SETD3: variants seen among roughly 807,000 people sequenced by gnomAD.
SETD3 encodes actin-histidine N-methyltransferase.
SETD3 carries 19 observed loss-of-function variants against 63.0 expected under a neutral mutation model. The observed-to-expected ratio is 0.30, with a 90% CI of 0.21 to 0.44. The LOEUF is 0.44. Among genes scored for constraint, SETD3 ranks in the 20% least tolerant of loss-of-function variants. SETD3 has a pLI of 1.00. For missense variants in SETD3, 587 were observed against 728.5 expected (o/e 0.81, Z 2.24); for synonymous variants, 286 against 264.1 (o/e 1.08, Z -0.80).
chr14:99,438,928 T>G (rs1893637514), intron 6 of SETD3, among the ~76,000 whole-genome samples: 1 of 152,238 alleles, frequency 6.6e-6, no homozygotes, highest in African/African-American at 2.4e-5. Flanking sequence ...TTCAGGTTAA[T>G]TACATCAGAA....
At chr14:99,418,423 G>A (rs1361090459) in intron 6 of SETD3, among the ~76,000 whole-genome samples, 1 of 152,058 alleles carries the variant, frequency 6.6e-6, no homozygotes, top group Non-Finnish European at 1.5e-5. Flanking sequence ...CTCACGTGAT[G>A]GTTTCATTTT....
At chr14:99,423,871 C>T (rs1892731548) in intron 6 of SETD3, among the ~76,000 whole-genome samples, 2 of 152,008 alleles carry the variant, frequency 1.3e-5, no homozygotes, top group South Asian at 4.1e-4. Flanking sequence ...AGTCTGATTA[C>T]TTCCTTTTTC....
chr14:99,476,171 T>A (rs1441110434), intron 1 of SETD3, among the ~76,000 whole-genome samples: 1 of 152,176 alleles, frequency 6.6e-6, no homozygotes, highest in Non-Finnish European at 1.5e-5. Context: ...GGAGACTGAT[T>A]AATTTATGCA....
chr14:99,400,579 C>A (rs907820570), intron 11 of SETD3, among the ~76,000 whole-genome samples: 1 of 152,148 alleles, frequency 6.6e-6, no homozygotes. Context: ...AATCTACAGC[C>A]ATGTACCCCC....
Position 99,405,185 on chromosome 14 carries a change from A to G in SETD3, c.1091+20T>C. 1.9e-6 allele frequency: 3 copies of G among 1,604,888 alleles called. No individual in the cohort carries two copies. The highest frequency in any genetic ancestry group is 2.5e-6 in the Non-Finnish European group (3 of 1,176,766). On this transcript the variant is annotated intron_variant, in intron 10 of 12. Coordinates refer to ENST00000331768, the MANE Select transcript of SETD3 (RefSeq NM_032233.3). ...GTTCAAGTACTGCAAGAAAGGGCCAACCGATGTTTTTCTACGTACGTGGGG... is the reference window on the plus strand; with the variant it reads ...GTTCAAGTACTGCAAGAAAGGGCCAGCCGATGTTTTTCTACGTACGTGGGG...
chr14:99,404,170 T>G (rs1173330481), intron 11 of SETD3, 55 bp downstream of exon 11: 1 of 1,455,594 alleles, frequency 6.9e-7, no homozygotes, highest in Non-Finnish European at 9.6e-7. Flanking sequence ...TGCTTTACAC[T>G]TTCATGATTT....
chr14:99,475,827 T>A (rs776956284), intron 1 of SETD3, among the ~76,000 whole-genome samples: 19 of 152,212 alleles, frequency 1.2e-4, no homozygotes, highest in Admixed American at 5.9e-4. Context: ...CCTGAGAATC[T>A]AATCTCAAAC....
chr14:99,423,954 ACT>A (rs766096183), intron 6 of SETD3, among the ~76,000 whole-genome samples: 111 of 149,384 alleles, frequency 7.4e-4, no homozygotes, highest in South Asian at 3.6e-3. Context: ...AATGGATTTC[ACT>A]CTCTTTTTTT....
chr14:99,418,854 A>C (rs1226280147), intron 6 of SETD3, among the ~76,000 whole-genome samples: 1 of 152,220 alleles, frequency 6.6e-6, no homozygotes, highest in Non-Finnish European at 1.5e-5. Flanking sequence ...GGAAAGATGG[A>C]AAAGATGGCA....
intron 8 of SETD3, chr14:99,411,637 GA>G (rs1891998151): frequency 6.6e-6 from 1 of 152,010 alleles, no homozygotes; most frequent in African/African-American, 2.4e-5. Flanking sequence ...TTCAAAAAAA[GA>G]AGAAGAAAAA....
At position 99,398,500 on chromosome 14, in the gene SETD3, T is replaced by A. The variant is rs1891202975; in HGVS notation, c.*179A>T. 1.6e-6 allele frequency: 1 copy of A among 626,186 alleles called. No individual in the cohort carries two copies. The highest frequency in any genetic ancestry group is 2.3e-5 in the South Asian group (1 of 43,416). The allele number at this position is 626,186 out of a possible 1,614,324, so 38.8% of individuals were successfully genotyped here. ...TTGCCTAAAAGCAAGATGGCAATCT[T>A]AATCAAAAAGGGAAGCTAGATTTTT... On this transcript the variant is annotated 3_prime_UTR_variant, in exon 13 of 13. Transcript: ENST00000331768.
At chr14:99,481,662 T>A (rs771019647), upstream of SETD3, 1 of 388,286 alleles carries the variant, frequency 2.6e-6, no homozygotes, top group Non-Finnish European at 4.5e-6. Context: ...GGCGGGCGTG[T>A]AGAGAGGGTC....
Position 99,398,445 on chromosome 14 carries a change from T to G in SETD3, c.*234A>C. 1.9e-6 allele frequency: 1 copy of G among 513,590 alleles called. No individual in the cohort carries two copies. 31.8% of individuals were successfully genotyped at this position (513,590 alleles called of 1,614,324 possible). A position where few individuals can be genotyped will look rare whatever the true frequency, so the allele number is the denominator to read the frequency against. On this transcript the variant is annotated 3_prime_UTR_variant, in exon 13 of 13. Coordinates refer to ENST00000331768, the MANE Select transcript of SETD3 (RefSeq NM_032233.3). Reference sequence around the variant, plus strand: ...TCTCCCACAGGCACCTCTTCTCCCTTTCTTGTGGTTGTTTGTTAATTGGTT... The same window carrying G: ...TCTCCCACAGGCACCTCTTCTCCCTGTCTTGTGGTTGTTTGTTAATTGGTT...
chr14:99,485,810 C>T (rs1896470700), upstream of SETD3, among the ~76,000 whole-genome samples: 1 of 151,986 alleles, frequency 6.6e-6, no homozygotes, highest in Non-Finnish European at 1.5e-5. Context: ...GCAGTGAGCA[C>T]CACTGCATTC....
chr14:99,435,249 A>G (rs1893414336), intron 6 of SETD3, among the ~76,000 whole-genome samples: 1 of 152,160 alleles, frequency 6.6e-6, no homozygotes, highest in Non-Finnish European at 1.5e-5. Flanking sequence ...AAGTATAGCT[A>G]TATTTTTTTA....
At chr14:99,423,588 C>CA (rs536996347) in intron 6 of SETD3, among the ~76,000 whole-genome samples, 21,777 of 36,742 alleles carry the variant, frequency 0.59, 9,676 homozygotes, top group Non-Finnish European at 0.77. Flanking sequence ...CACTGTTATG[C>CA]AAAAAAAAAA....
chr14:99,406,359 C>T (rs1464387021), intron 9 of SETD3, among the ~76,000 whole-genome samples, 157 bp downstream of exon 9: 5 of 152,198 alleles, frequency 3.3e-5, no homozygotes, highest in African/African-American at 4.8e-5. Flanking sequence ...ATGTGTACTA[C>T]GGGTTCTGGT....
intron 6 of SETD3, among the ~76,000 whole-genome samples, chr14:99,426,279 T>G (rs1208297893): frequency 6.6e-6 from 1 of 152,222 alleles, no homozygotes; most frequent in African/African-American, 2.4e-5. Context: ...GCTCCTGAGT[T>G]GCTTCATGGA....
chr14:99,399,976 G>A (rs911629195), intron 12 of SETD3, 123 bp downstream of exon 12: 16 of 786,484 alleles, frequency 2.0e-5, no homozygotes, highest in Admixed American at 6.4e-5. Context: ...TTCTGACCTC[G>A]TGATCCGCCC....
Sources: gnomAD v4.1 joint callset for allele counts (sites outside exome capture counted in the v4.1 genomes callset) on GRCh38, gnomAD v4.1.1 for gene constraint, MANE v1.5 for transcripts, NCBI Gene and HGNC (gene_info 2026-07-23, HGNC 2026-07-21) for gene names.